Variants in ABLIM1 observed in about 807,000 individuals in gnomAD.
ABLIM1 encodes the protein actin binding LIM protein 1, also known as actin-binding LIM protein 1.
ABLIM1 carries 40 observed loss-of-function variants against 107.0 expected under a neutral mutation model. The observed-to-expected ratio is 0.37, with a 90% CI of 0.29 to 0.49. The LOEUF (loss-of-function observed/expected upper bound fraction) is 0.49, where lower values mean the gene tolerates loss of function less well. Among genes scored for constraint, ABLIM1 ranks in the 20% least tolerant of loss-of-function variants. The pLI is 0.97. For synonymous variants in ABLIM1, 357 were observed against 357.3 expected, an observed-to-expected ratio of 1.00 and a Z score of 0.01; for missense variants, 857 against 1,008.5, an observed-to-expected ratio of 0.85 and a Z score of 2.04.
At chr10:114,651,261 G>A (rs2079226873) in intron 1 of ABLIM1, among the ~76,000 whole-genome samples, 1 of 152,184 alleles carries the variant, frequency 6.6e-6, no homozygotes, top group African/African-American at 2.4e-5. Context: ...ATAAAAATAA[G>A]AGCACAGCTC....
At chr10:114,527,718 C>T (rs376213187) in intron 6 of ABLIM1, among the ~76,000 whole-genome samples, 148 of 148,292 alleles carry the variant, frequency 1.0e-3, no homozygotes, top group Non-Finnish European at 1.7e-3. Flanking sequence ...TGCAGTGGCA[C>T]GATCATAGCG....
chr10:114,485,582 C>T (rs912062012), intron 8 of ABLIM1, among the ~76,000 whole-genome samples: 6 of 152,160 alleles, frequency 3.9e-5, no homozygotes, highest in Non-Finnish European at 8.8e-5. Context: ...CTTCAAGTTA[C>T]AGTAAATTTA....
At chr10:114,521,203 G>A (rs1229315796) in intron 6 of ABLIM1, among the ~76,000 whole-genome samples, 1 of 152,218 alleles carries the variant, frequency 6.6e-6, no homozygotes, top group Non-Finnish European at 1.5e-5. Context: ...ACCTGATGAG[G>A]AGGAAAGAAA....
intron 1 of ABLIM1, among the ~76,000 whole-genome samples, chr10:114,664,279 A>C (rs1214392605): frequency 2.0e-5 from 3 of 152,178 alleles, no homozygotes; most frequent in Non-Finnish European, 4.4e-5. Context: ...TAAAACATTC[A>C]TTAAGTGCCT....
At position 114,674,696 on chromosome 10, in the gene ABLIM1, A is replaced by G. The variant is rs375153551; in HGVS notation, c.64+9594T>C. The stretch of plus-strand genomic sequence containing the variant: ...GACTCAAAAGATCTGAGCTATCTTA[A>G]TAATTGTTATTCTTTTTTTTTTTTT... On this transcript the variant is annotated intron_variant, in intron 1 of 23. Transcript: ENST00000369256. Among the ~76,000 whole-genome samples the G allele has an allele frequency of 1.2e-4, 18 of 151,634 alleles. No homozygotes were observed. In the East Asian group the frequency reaches 1.4e-3, roughly 11 times the overall value.
chr10:114,572,137 C>A (rs1469627698), intron 3 of ABLIM1, among the ~76,000 whole-genome samples: 1 of 152,208 alleles, frequency 6.6e-6, no homozygotes, highest in East Asian at 1.9e-4. Context: ...GCCCTTTAAA[C>A]AAGTCATTAA....
intron 1 of ABLIM1, among the ~76,000 whole-genome samples, chr10:114,626,147 T>C (rs957977314): frequency 2.6e-5 from 4 of 152,158 alleles, no homozygotes; most frequent in Admixed American, 2.6e-4. Flanking sequence ...TCTAAAAGGA[T>C]TACTTTGGTG....
intron 1 of ABLIM1, among the ~76,000 whole-genome samples, chr10:114,648,685 C>T (rs1411560063): frequency 1.3e-5 from 2 of 152,212 alleles, no homozygotes; most frequent in Non-Finnish European, 2.9e-5. Flanking sequence ...TGGTGTACTA[C>T]ATTACATCTC....
In ABLIM1 at chr10:114,746,774, T is replaced by C. The variant is rs1039608219; in HGVS notation, c.-213+21287A>G. Among the ~76,000 whole-genome samples the C allele has an allele frequency of 7.2e-5, 11 of 152,242 alleles. No individual in the cohort carries two copies. The East Asian group carries it at 2.1e-3, about 29-fold the overall frequency. On this transcript the variant is annotated intron_variant, in intron 1 of 15. Transcript: ENST00000651092. ...CTAACAGGTGTGAGGTGATATTTCA[T>C]TGTAGTTATAATCTGCATCTCCCTA...
At chr10:114,536,233 T>G (rs1323492482) in intron 6 of ABLIM1, among the ~76,000 whole-genome samples, 4 of 5,254 alleles carry the variant, frequency 7.6e-4, no homozygotes, top group African/African-American at 1.2e-3. Context: ...CTTTGTTTTT[T>G]TTTTTTTTTT....
intron 8 of ABLIM1, among the ~76,000 whole-genome samples, chr10:114,480,265 A>G (rs564827971): frequency 1.1e-4 from 17 of 152,312 alleles, no homozygotes; most frequent in Non-Finnish European, 2.1e-4. Flanking sequence ...CAATAACCCA[A>G]TGGGTCAGAA....
At chr10:114,496,806 T>C (rs756114439) in intron 6 of ABLIM1, among the ~76,000 whole-genome samples, 77 of 152,154 alleles carry the variant, frequency 5.1e-4, no homozygotes, top group Non-Finnish European at 1.1e-3. Context: ...TCAAAAGGCA[T>C]TGAGGAGTCG....
chr10:114,648,601 T>C (rs74158025), intron 1 of ABLIM1, among the ~76,000 whole-genome samples: 4,262 of 152,294 alleles, frequency 0.028, 155 homozygotes, highest in African/African-American at 0.089. Flanking sequence ...TGGAATTAGA[T>C]AGTGGGATGG....
Position 114,619,511 on chromosome 10 carries a change from T to C in ABLIM1, c.245-17550A>G, listed in dbSNP as rs1295158232. Among the ~76,000 whole-genome samples the C allele has an allele frequency of 6.6e-6, 1 of 152,220 alleles. No individual in the cohort carries two copies. Among genetic ancestry groups the C allele is most frequent in the Non-Finnish European group, 1.5e-5 (1 of 68,032 alleles). On this transcript the variant is annotated intron_variant, in intron 1 of 22. Coordinates refer to ENST00000533213, the MANE Select transcript of ABLIM1 (RefSeq NM_002313.7). The surrounding 1 kb of genome is among the most constrained non-coding windows in gnomAD (Gnocchi z 4.1). Reference sequence around the variant, plus strand: ...TGTGCCTGGCTGAAATGATATTTTTTTTCTGGAAAAGCTCTTACACATCAA... The same window carrying C: ...TGTGCCTGGCTGAAATGATATTTTTCTTCTGGAAAAGCTCTTACACATCAA...
intron 6 of ABLIM1, among the ~76,000 whole-genome samples, chr10:114,522,802 C>T (rs1447111072): frequency 6.6e-6 from 1 of 152,208 alleles, no homozygotes; most frequent in African/African-American, 2.4e-5. Context: ...TAAGCCTCTG[C>T]AGCTTAAGGT....
intron 1 of ABLIM1, among the ~76,000 whole-genome samples, chr10:114,766,147 C>A (rs749055136): frequency 8.5e-5 from 13 of 152,216 alleles, no homozygotes; most frequent in Non-Finnish European, 1.6e-4. Context: ...TCAATTCCTT[C>A]ATCTGTAAAA....
intron 20 of ABLIM1, chr10:114,439,472 T>C: frequency 3.3e-6 from 2 of 603,868 alleles, no homozygotes; most frequent in South Asian, 3.9e-5. Flanking sequence ...GGCTTGATGG[T>C]TATGGACAAA....
the ABLIM1 span, among the ~76,000 whole-genome samples, chr10:114,783,317 TAAAA>T: frequency 2.0e-5 from 3 of 151,368 alleles, no homozygotes; most frequent in East Asian, 5.8e-4. Flanking sequence ...CTAAAAAAAA[TAAAA>T]GAGAGAGAAA....
intron 17 of ABLIM1, among the ~76,000 whole-genome samples, chr10:114,443,556 G>A (rs540969792): frequency 3.5e-4 from 53 of 151,226 alleles, no homozygotes; most frequent in Non-Finnish European, 6.2e-4. Context: ...CAGGTGATCC[G>A]CCTGCCTTGG....
Sources: allele counts gnomAD v4.1 joint callset (sites outside exome capture counted in the v4.1 genomes callset), GRCh38; gene constraint gnomAD v4.1.1; non-coding constraint Gnocchi (gnomAD v3.1); transcripts MANE v1.5; gene names NCBI Gene and HGNC (gene_info 2026-07-23, HGNC 2026-07-21).